Variants in SULT2B1 observed in about 807,000 individuals in gnomAD.
SULT2B1 encodes sulfotransferase family 2B member 1.
Under a neutral mutation model 33.2 loss-of-function variants are expected in SULT2B1, and 16 were observed. The ratio of observed to expected loss-of-function variants is 0.48; its 90% CI spans 0.33 to 0.73. The LOEUF (loss-of-function observed/expected upper bound fraction) is 0.73, where lower values mean the gene tolerates loss of function less well. SULT2B1 is among the 30% of genes least tolerant of loss of function. SULT2B1 has a pLI of 0.02. For synonymous variants in SULT2B1, 186 were observed against 200.5 expected (o/e 0.93, Z 0.61); for missense variants, 500 against 506.0 (o/e 0.99, Z 0.11).
chr19:48,561,471 TTAAG>T (rs1973179572), intron 1 of SULT2B1, among the ~76,000 whole-genome samples: 1 of 148,366 alleles, frequency 6.7e-6, no homozygotes, highest in Non-Finnish European at 1.5e-5. Flanking sequence ...AATAAATTAA[TTAAG>T]ATAAAATAAA....
intron 2 of SULT2B1, among the ~76,000 whole-genome samples, chr19:48,578,348 G>A (rs1230314618): frequency 5.9e-5 from 9 of 152,122 alleles, no homozygotes; most frequent in African/African-American, 1.7e-4. Flanking sequence ...TTGGGAGGCC[G>A]AGGCAGGAGG....
chr19:48,579,700 A>G (rs1973461434), intron 2 of SULT2B1, among the ~76,000 whole-genome samples: 1 of 141,926 alleles, frequency 7.0e-6, no homozygotes, highest in Non-Finnish European at 1.5e-5. Context: ...TCTGCCTCCT[A>G]GGTTCAAGCG....
chr19:48,559,994 A>T (rs1485735553), intron 1 of SULT2B1, among the ~76,000 whole-genome samples: 1 of 151,862 alleles, frequency 6.6e-6, no homozygotes, highest in African/African-American at 2.4e-5. Flanking sequence ...AGAAAAGAAG[A>T]ATGCCCACAG....
intron 1 of SULT2B1, among the ~76,000 whole-genome samples, chr19:48,570,763 TC>T (rs920336938): frequency 1.3e-5 from 2 of 151,798 alleles, no homozygotes; most frequent in Non-Finnish European, 2.9e-5. Context: ...CTCACTCTGT[TC>T]CCCAGGCTGG....
rs1285400127 is a variant in SULT2B1 at position 48,581,531 on chromosome 19, C to T, written c.214+5448C>T. 5.4e-5 allele frequency among the ~76,000 whole-genome samples: 7 copies of T among 129,394 alleles called. 1 individual carries two copies. In the East Asian group the frequency reaches 1.2e-3, roughly 23 times the overall value. The allele number at this position is 129,394 out of a possible 152,430, so 84.9% of individuals were successfully genotyped here. A position where few individuals can be genotyped will look rare whatever the true frequency, so the allele number is the denominator to read the frequency against. On this transcript the variant is annotated intron_variant, in intron 2 of 6. Transcript: ENST00000201586. ...TGTCACCTAGGCTGGAGTGCAGTGG[C>T]GCGATCTCAGCTGCCTCCCAGGTTC... is the stretch of plus-strand genomic sequence containing the variant.
intron 3 of SULT2B1, among the ~76,000 whole-genome samples, chr19:48,589,337 G>T (rs1973612995): frequency 6.6e-6 from 1 of 152,090 alleles, no homozygotes; most frequent in African/African-American, 2.4e-5. Flanking sequence ...GCAGGCGGGG[G>T]AGGAAGACAC....
intron 1 of SULT2B1, among the ~76,000 whole-genome samples, chr19:48,566,613 G>A (rs958459548): frequency 2.0e-5 from 3 of 151,958 alleles, no homozygotes; most frequent in Non-Finnish European, 4.4e-5. Context: ...AGACTGAGGC[G>A]GGTGGATTGC....
intron 6 of SULT2B1, among the ~76,000 whole-genome samples, chr19:48,598,506 C>T (rs936148004): frequency 7.9e-5 from 12 of 151,924 alleles, no homozygotes; most frequent in African/African-American, 2.7e-4. Context: ...GCAGGAGAAT[C>T]GCTTGAATCG....
Position 48,580,416 on chromosome 19 carries a change from C to T in SULT2B1, c.214+4333C>T, listed in dbSNP as rs776378425. On this transcript the variant is annotated intron_variant, in intron 2 of 6. Coordinates refer to ENST00000201586, the MANE Select transcript of SULT2B1 (RefSeq NM_177973.2). Reference sequence around the variant, plus strand: ...CTGGGACCACAGACATGCACCACCACGCCCAGCTAATTTTTGTATTTTTAG... The same window carrying T: ...CTGGGACCACAGACATGCACCACCATGCCCAGCTAATTTTTGTATTTTTAG... 9.9e-5 allele frequency among the ~76,000 whole-genome samples: 15 copies of T among 152,062 alleles called. 1 individual carries two copies. In the South Asian group the frequency reaches 1.7e-3, roughly 17 times the overall value.
chr19:48,585,983 G>A lies in SULT2B1; in HGVS notation c.215-1246G>A, dbSNP rs184261463. On this transcript the variant is annotated intron_variant, in intron 2 of 6. Transcript: ENST00000201586. Reference sequence around the variant, plus strand: ...TCTGCTCCCAGCACCTTGGGAGGCTGAGGCAGGAGGATTGCTTGAGCCCAG... The same window carrying A: ...TCTGCTCCCAGCACCTTGGGAGGCTAAGGCAGGAGGATTGCTTGAGCCCAG... 2.6e-5 allele frequency among the ~76,000 whole-genome samples: 4 copies of A among 152,292 alleles called. No homozygotes were observed. The East Asian group carries it at 7.7e-4, about 29-fold the overall frequency.
chr19:48,569,399 TG>T (rs1296615944), intron 1 of SULT2B1, among the ~76,000 whole-genome samples: 44 of 136,652 alleles, frequency 3.2e-4, no homozygotes, highest in East Asian at 9.7e-4. Context: ...TATATATATA[TG>T]ATAAATTTTA....
At chr19:48,583,543 T>A (rs1474395163) in intron 2 of SULT2B1, among the ~76,000 whole-genome samples, 1 of 152,092 alleles carries the variant, frequency 6.6e-6, no homozygotes, top group Admixed American at 6.6e-5. Context: ...TTCGTCCGGG[T>A]GCAGTGGCTC....
intron 1 of SULT2B1, among the ~76,000 whole-genome samples, chr19:48,569,316 T>C (rs1461174629): frequency 7.2e-6 from 1 of 139,268 alleles, no homozygotes; most frequent in Non-Finnish European, 1.5e-5. Context: ...CACTCCAGCC[T>C]GGGCGACAGA....
intron 2 of SULT2B1, among the ~76,000 whole-genome samples, chr19:48,577,368 T>TTTTTTG: frequency 8.3e-6 from 1 of 120,362 alleles, no homozygotes; most frequent in Non-Finnish European, 1.7e-5. Flanking sequence ...TTTTTTTTTT[T>TTTTTTG]TTTTTTTTTT....
intron 2 of SULT2B1, among the ~76,000 whole-genome samples, chr19:48,577,350 G>GTGTTTTTT: frequency 2.3e-5 from 1 of 42,756 alleles, no homozygotes; most frequent in Admixed American, 2.5e-4. Context: ...CCACTGAGCC[G>GTGTTTTTT]TCTTTTTTTT....
In SULT2B1 at chr19:48,552,206, C is replaced by G; in HGVS notation, c.-47C>G. ...CGCTGCGCACACCTGGCCTCTGTGC[C>G]GCCTGCTCCCTGCTCGTCCTCCCCT... On this transcript the variant is annotated 5_prime_UTR_variant, in exon 1 of 7. Transcript: ENST00000201586. The surrounding 1 kb of genome is among the most constrained non-coding windows in gnomAD (Gnocchi z 4.8). The G allele has an allele frequency of 6.3e-7, 1 of 1,591,834 alleles. No homozygotes were observed. The highest frequency in any genetic ancestry group is 1.1e-5 in the South Asian group (1 of 89,858).
At chr19:48,555,590 T>TCTCTCTC (rs60898646) in intron 1 of SULT2B1, among the ~76,000 whole-genome samples, 25 of 96,538 alleles carry the variant, frequency 2.6e-4, no homozygotes, top group African/African-American at 1.1e-3. Context: ...CTCTCTCTCT[T>TCTCTCTC]TTGAGACAGA....
At chr19:48,592,410 C>T (rs1223498504) in intron 4 of SULT2B1, among the ~76,000 whole-genome samples, 1 of 152,202 alleles carries the variant, frequency 6.6e-6, no homozygotes, top group African/African-American at 2.4e-5. Context: ...CTAAGAAAGG[C>T]AGCGCCCTTT....
intron 3 of SULT2B1, among the ~76,000 whole-genome samples, chr19:48,588,538 C>T (rs1013835813): frequency 2.7e-5 from 4 of 149,668 alleles, no homozygotes; most frequent in Non-Finnish European, 5.9e-5. Flanking sequence ...ATATATTATA[C>T]TACATATTAT....
Sources: gnomAD v4.1 joint callset for allele counts (sites outside exome capture counted in the v4.1 genomes callset) on GRCh38, gnomAD v4.1.1 for gene constraint, Gnocchi (gnomAD v3.1) non-coding constraint, MANE v1.5 for transcripts, NCBI Gene and HGNC (gene_info 2026-07-23, HGNC 2026-07-21) for gene names.